GOLM1: variants seen among roughly 807,000 people sequenced by gnomAD.
GOLM1 encodes epididymis luminal protein 46.
A neutral mutation model predicts 50.5 loss-of-function variants in GOLM1; 31 were observed. The observed-to-expected ratio is 0.61, with a 90% CI of 0.46 to 0.83. The LOEUF (loss-of-function observed/expected upper bound fraction) is 0.83, where lower values mean the gene tolerates loss of function less well. GOLM1 is among the 40% of genes least tolerant of loss of function. The probability of loss-of-function intolerance (pLI) is 0.00; values close to 1 mark genes in which losing one functional copy is unlikely to be tolerated. For synonymous variants in GOLM1, 178 were observed against 192.8 expected (o/e 0.92, Z 0.64); for missense variants, 491 against 501.3 (o/e 0.98, Z 0.20).
chr9:86,069,295 T>G (rs1485156511), intron 3 of GOLM1, among the ~76,000 whole-genome samples: 1 of 152,224 alleles, frequency 6.6e-6, no homozygotes, highest in African/African-American at 2.4e-5. Context: ...ACATACACAA[T>G]CATTGCAAAA....
At chr9:86,083,594 G>C (rs972585768) in intron 1 of GOLM1, among the ~76,000 whole-genome samples, 1 of 152,116 alleles carries the variant, frequency 6.6e-6, no homozygotes, top group Non-Finnish European at 1.5e-5. Flanking sequence ...CACTATGTTG[G>C]CCAGGCTGGT....
At chr9:86,076,544 TAAAG>T (rs1223800292) in intron 3 of GOLM1, among the ~76,000 whole-genome samples, 1 of 139,694 alleles carries the variant, frequency 7.2e-6, no homozygotes, top group African/African-American at 2.7e-5. Context: ...CACAATTTAA[TAAAG>T]AAAGTATAGT....
chr9:86,095,172 A>T (rs888089216), intron 1 of GOLM1, among the ~76,000 whole-genome samples: 7 of 152,066 alleles, frequency 4.6e-5, no homozygotes, highest in Non-Finnish European at 8.8e-5. Context: ...CCAAGGGCCC[A>T]ATCCTGCCAG....
At chr9:86,062,192 G>A (rs1834179558) in intron 3 of GOLM1, among the ~76,000 whole-genome samples, 1 of 152,148 alleles carries the variant, frequency 6.6e-6, no homozygotes, top group Non-Finnish European at 1.5e-5. Context: ...ACCTCGCTGG[G>A]AGAGTGCAGG....
At chr9:86,091,957 C>T (rs1587745041) in intron 1 of GOLM1, among the ~76,000 whole-genome samples, 2 of 152,194 alleles carry the variant, frequency 1.3e-5, no homozygotes, top group Admixed American at 1.3e-4. Context: ...ATTAAGAGCA[C>T]AGACTGGAAT....
Position 86,033,277 on chromosome 9 carries a change from CT to C in GOLM1, c.1129+4del, listed in dbSNP as rs1564339765. 6.5e-7 allele frequency: 1 copy of C among 1,532,724 alleles called. No homozygotes were observed. The highest frequency in any genetic ancestry group is 9.0e-7 in the Non-Finnish European group (1 of 1,105,372). The allele number at this position is 1,532,724 out of a possible 1,614,324, so 94.9% of individuals were successfully genotyped here. On this transcript the variant is annotated splice_donor_region_variant and intron_variant, in intron 9 of 9. Transcript: ENST00000388712. ...CCTCGTCACCGATGTAGGCCCCATT[CT>C]TACCATCTATGTTTCTGTCATTCCC...
intron 4 of GOLM1, among the ~76,000 whole-genome samples, chr9:86,049,533 CTCTTT>C (rs1833666916): frequency 6.6e-6 from 1 of 152,062 alleles, no homozygotes; most frequent in African/African-American, 2.4e-5. Context: ...TGTTTGTGTC[CTCTTT>C]TATTTCATTG....
At chr9:86,037,104 C>G (rs531279409) in intron 6 of GOLM1, among the ~76,000 whole-genome samples, 2 of 152,280 alleles carry the variant, frequency 1.3e-5, no homozygotes, top group Admixed American at 1.3e-4. Flanking sequence ...CAACAATAAA[C>G]CACAACACAA....
intron 3 of GOLM1, among the ~76,000 whole-genome samples, chr9:86,066,809 T>C (rs1298244914): frequency 6.6e-6 from 1 of 152,122 alleles, no homozygotes; most frequent in East Asian, 1.9e-4. Flanking sequence ...CCCAGACTCT[T>C]CCCCAAGCAT....
At chr9:86,060,379 G>A (rs1834118663) in intron 3 of GOLM1, among the ~76,000 whole-genome samples, 1 of 152,040 alleles carries the variant, frequency 6.6e-6, no homozygotes, top group Admixed American at 6.6e-5. Context: ...ATCCTGCTAA[G>A]ATTACACACT....
intron 3 of GOLM1, among the ~76,000 whole-genome samples, chr9:86,064,346 C>T (rs899565431): frequency 2.3e-4 from 35 of 152,192 alleles, no homozygotes; most frequent in African/African-American, 8.4e-4. Context: ...ATTTTACTGA[C>T]CTGCTTCCAT....
chr9:86,055,552 G>A (rs1207894083), intron 3 of GOLM1, among the ~76,000 whole-genome samples: 2 of 152,180 alleles, frequency 1.3e-5, no homozygotes, highest in African/African-American at 4.8e-5. Flanking sequence ...GGTCACAGAT[G>A]AATGAATGGA....
chr9:86,038,485 CG>C (rs1175909766), intron 6 of GOLM1, among the ~76,000 whole-genome samples: 1 of 152,172 alleles, frequency 6.6e-6, no homozygotes, highest in Non-Finnish European at 1.5e-5. Context: ...TAGACTTCCA[CG>C]TGGGAGAAGG....
In GOLM1 at chr9:86,077,569, C is replaced by T; in HGVS notation, c.152G>A (p.Gly51Asp). 6.2e-7 allele frequency: 1 copy of T among 1,613,400 alleles called. No homozygotes were observed. The highest frequency in any genetic ancestry group is 8.5e-7 in the Non-Finnish European group (1 of 1,179,418). The stretch of plus-strand genomic sequence containing the variant: ...CTCTGCAGCCGCCCTGCGGACCCTG[C>T]CTTCCAGCTCCATGATCCGTGTCTA... ...DLQTRIMELE[G>D]RVRRAAAERG... Residue 51 changes from glycine to aspartate, a missense_variant, in exon 3 of 10, where the codon GGC (glycine) becomes GAC (aspartate). By Grantham distance (94) the Gly-to-Asp change is moderately conservative. Coordinates refer to ENST00000388712, the MANE Select transcript of GOLM1 (RefSeq NM_016548.4).
intron 4 of GOLM1, among the ~76,000 whole-genome samples, chr9:86,051,436 G>A (rs970720257): frequency 4.6e-5 from 7 of 152,216 alleles, no homozygotes; most frequent in East Asian, 1.9e-4. Flanking sequence ...TTTCTGTCTC[G>A]TTGATCTGTC....
At chr9:86,054,127 A>G (rs1012693301) in intron 3 of GOLM1, among the ~76,000 whole-genome samples, 1 of 152,164 alleles carries the variant, frequency 6.6e-6, no homozygotes, top group African/African-American at 2.4e-5. Context: ...CAGAAGCCAC[A>G]CAGAATCCAG....
At chr9:86,067,050 C>T (rs1266890568) in intron 3 of GOLM1, among the ~76,000 whole-genome samples, 1 of 152,186 alleles carries the variant, frequency 6.6e-6, no homozygotes, top group Admixed American at 6.5e-5. Flanking sequence ...ATTCTCCTGC[C>T]TTAGCCTCCC....
chr9:86,068,778 T>C (rs1311887401), intron 3 of GOLM1, among the ~76,000 whole-genome samples: 1 of 152,226 alleles, frequency 6.6e-6, no homozygotes, highest in African/African-American at 2.4e-5. Flanking sequence ...TGTGTCTAAA[T>C]TCACCAGAAC....
rs192095896 is a variant in GOLM1 at position 86,048,667 on chromosome 9, C to T, written c.365-2095G>A. On this transcript the variant is annotated intron_variant, in intron 4 of 9. Transcript: ENST00000388712. ...TTCATGTGTCTGTTGGCTGCATAAACATCTTCTTTTGAGACATGCTTGTTC... is the reference window on the plus strand; with the variant it reads ...TTCATGTGTCTGTTGGCTGCATAAATATCTTCTTTTGAGACATGCTTGTTC... Among the ~76,000 whole-genome samples, 20 of 152,298 alleles carry T rather than the reference C, an allele frequency of 1.3e-4. 1 individual carries two copies. In the East Asian group the frequency reaches 3.7e-3, roughly 28 times the overall value.
Sources: gnomAD v4.1 joint callset for allele counts (sites outside exome capture counted in the v4.1 genomes callset) on GRCh38, gnomAD v4.1.1 for gene constraint, MANE v1.5 for transcripts, NCBI Gene and HGNC (gene_info 2026-07-23, HGNC 2026-07-21) for gene names.